DHRS9: variants seen among roughly 807,000 people sequenced by gnomAD.
DHRS9 encodes the protein dehydrogenase/reductase 9, also known as dehydrogenase/reductase SDR family member 9.
Under a neutral mutation model 26.6 loss-of-function variants are expected in DHRS9, and 18 were observed. That is an observed-to-expected ratio of 0.68 (90% CI 0.47 to 1.00). The LOEUF (loss-of-function observed/expected upper bound fraction) is 1.00. DHRS9 is among the 50% of genes least tolerant of loss of function. The pLI, the probability that DHRS9 is intolerant of heterozygous loss-of-function variation, is 0.00. For synonymous variants in DHRS9, 134 were observed against 141.1 expected, an observed-to-expected ratio of 0.95 and a Z score of 0.36; for missense variants, 425 against 378.7, an observed-to-expected ratio of 1.12 and a Z score of -1.01.
intron 3 of DHRS9, among the ~76,000 whole-genome samples, chr2:169,087,010 A>G (rs1424100052): frequency 2.0e-5 from 3 of 152,022 alleles, no homozygotes; most frequent in Non-Finnish European, 4.4e-5. Context: ...CTGAGGCTCT[A>G]CAATTAGCAG....
At position 169,069,717 on chromosome 2, in the gene DHRS9, G is replaced by A; in HGVS notation, c.-60G>A. ...CTGTGTCCCACTTCATCTTTAATAA[G>A]GTAACTGATGACAGTTTTGTCATTT... On this transcript the variant is annotated splice_region_variant and 5_prime_UTR_variant, in exon 1 of 5. Coordinates refer to ENST00000674881, the MANE Select transcript of DHRS9 (RefSeq NM_001376924.1). 1.0e-6 allele frequency: 1 copy of A among 985,422 alleles called. No homozygotes were observed. Among genetic ancestry groups the A allele is most frequent in the Non-Finnish European group, 1.2e-6 (1 of 829,936 alleles). The allele number at this position is 985,422 out of a possible 1,614,324, so 61.0% of individuals were successfully genotyped here.
Position 169,083,314 on chromosome 2 carries a change from T to C in DHRS9, c.314-15T>C. Reference sequence around the variant, plus strand: ...ACTGTCTTACCACACCTCTTTTCCTTCCTCTCTGTTCTAGGTCTCTGGGGT... The same window carrying C: ...ACTGTCTTACCACACCTCTTTTCCTCCCTCTCTGTTCTAGGTCTCTGGGGT... On this transcript the variant is annotated splice_polypyrimidine_tract_variant and intron_variant, in intron 2 of 4. Transcript: ENST00000674881. 4.3e-6 allele frequency: 7 copies of C among 1,611,112 alleles called. No homozygotes were observed. The highest frequency in any genetic ancestry group is 5.9e-6 in the Non-Finnish European group (7 of 1,177,602).
At chr2:169,078,815 CTTTTTTTTTTTTT>C (rs200691133) in intron 1 of DHRS9, among the ~76,000 whole-genome samples, 18 of 110,366 alleles carry the variant, frequency 1.6e-4, no homozygotes, top group African/African-American at 6.8e-4. Flanking sequence ...TATCAACTGA[CTTTTTTTTTTTTT>C]TTTTTTTTTT....
intron 1 of DHRS9, among the ~76,000 whole-genome samples, chr2:169,074,966 T>G (rs923112711): frequency 1.3e-5 from 2 of 152,054 alleles, no homozygotes; most frequent in Non-Finnish European, 2.9e-5. Context: ...TGGGTTTGCA[T>G]AGAAAAGGTG....
upstream of DHRS9, among the ~76,000 whole-genome samples, chr2:169,067,820 C>T (rs1221547053): frequency 6.6e-6 from 1 of 152,124 alleles, no homozygotes; most frequent in African/African-American, 2.4e-5. Context: ...AACTGATCGC[C>T]TATGTGGGAC....
intron 1 of DHRS9, among the ~76,000 whole-genome samples, chr2:169,071,901 A>G (rs1437532322): frequency 2.0e-5 from 3 of 151,958 alleles, no homozygotes; most frequent in Non-Finnish European, 4.4e-5. Context: ...TTCTGGGTGG[A>G]CCATTTGAAC....
At chr2:169,079,660 C>G (rs1684081894) in intron 1 of DHRS9, among the ~76,000 whole-genome samples, 1 of 151,616 alleles carries the variant, frequency 6.6e-6, no homozygotes, top group African/African-American at 2.4e-5. Context: ...TCAAGACAAG[C>G]CTGGCCAACA....
intron 1 of DHRS9, among the ~76,000 whole-genome samples, 199 bp downstream of exon 1, chr2:169,069,916 C>T (rs925774552): frequency 1.3e-5 from 2 of 152,148 alleles, no homozygotes; most frequent in African/African-American, 4.8e-5. Context: ...TCGGTGTGAC[C>T]TGGGATCTTG....
intron 1 of DHRS9, chr2:169,072,777 T>C (rs59018706): frequency 2.7e-6 from 1 of 365,182 alleles, no homozygotes; most frequent in Non-Finnish European, 3.8e-6. Context: ...TTCTTGTGCC[T>C]GCTGTCGACT....
intron 3 of DHRS9, among the ~76,000 whole-genome samples, chr2:169,089,377 A>C (rs1412099869): frequency 1.3e-5 from 2 of 152,142 alleles, no homozygotes; most frequent in Non-Finnish European, 2.9e-5. Flanking sequence ...AATAGACTGA[A>C]CTCAACAGAA....
At position 169,091,830 on chromosome 2, in the gene DHRS9, G is replaced by T; in HGVS notation, c.613G>T (p.Glu205Ter). 6.2e-7 allele frequency: 1 copy of T among 1,613,970 alleles called. No homozygotes were observed. Among genetic ancestry groups the T allele is most frequent in the Non-Finnish European group, 8.5e-7 (1 of 1,179,920 alleles). The change falls in exon 4 of 5, where the codon GAA becomes TAA. Residue 205 changes from glutamate to a stop codon, truncating the protein, a stop_gained. Coordinates refer to ENST00000674881, the MANE Select transcript of DHRS9 (RefSeq NM_001376924.1). LOFTEE classifies it high-confidence loss of function. ...TTTTGGTGTGCACGTCTCATGCATT[G>T]AACCAGGATTGTTCAAAACAAACTT... ...KAFGVHVSCI[E>*]PGLFKTNLAD...
At chr2:169,074,128 A>G (rs1216586002) in intron 1 of DHRS9, 1 of 255,444 alleles carries the variant, frequency 3.9e-6, no homozygotes, top group Admixed American at 6.5e-5. Flanking sequence ...TACATAGAGC[A>G]GACTGCCTCA....
chr2:169,080,048 A>AGAAAGAAAGAAG (rs1684135606), intron 1 of DHRS9, among the ~76,000 whole-genome samples: 3 of 146,556 alleles, frequency 2.0e-5, no homozygotes, highest in Admixed American at 1.4e-4. Context: ...AAAGAAAGAA[A>AGAAAGAAAGAAG]GAAAATAAAG....
In DHRS9 at chr2:169,074,525, G is replaced by A. The variant is rs185722848; in HGVS notation, c.-60+4808G>A. The A allele has an allele frequency of 1.3e-5, 11 of 845,960 alleles. No homozygotes were observed. The African/African-American group carries it at 1.7e-4, about 13-fold the overall frequency. 52.4% of individuals were successfully genotyped at this position (845,960 alleles called of 1,614,324 possible). A position where few individuals can be genotyped will look rare whatever the true frequency, so the allele number is the denominator to read the frequency against. On this transcript the variant is annotated intron_variant, in intron 1 of 4. Coordinates refer to ENST00000674881, the MANE Select transcript of DHRS9 (RefSeq NM_001376924.1). ...AAGGGGCCGTGCAGAGGTAACCACA[G>A]CTGGCGTAGTGTGGTTGAGGTAGCC...
chr2:169,078,678 A>G (rs1684040019), intron 1 of DHRS9, among the ~76,000 whole-genome samples: 1 of 152,176 alleles, frequency 6.6e-6, no homozygotes, highest in Admixed American at 6.5e-5. Context: ...AAGAGTTGGA[A>G]AAACTATACC....
At chr2:169,088,019 C>T (rs534805921) in intron 3 of DHRS9, among the ~76,000 whole-genome samples, 1 of 152,230 alleles carries the variant, frequency 6.6e-6, no homozygotes, top group Admixed American at 6.5e-5. Flanking sequence ...AGGTTGCTTG[C>T]CCCCCAAGTC....
chr2:169,068,646 C>A (rs1413544016), upstream of DHRS9, among the ~76,000 whole-genome samples: 2 of 152,162 alleles, frequency 1.3e-5, no homozygotes, highest in African/African-American at 2.4e-5. Context: ...AGGGTGATAG[C>A]AGTGTCCTGA....
At chr2:169,093,903 A>G (rs1484210371) in intron 4 of DHRS9, among the ~76,000 whole-genome samples, 1 of 151,890 alleles carries the variant, frequency 6.6e-6, no homozygotes, top group Non-Finnish European at 1.5e-5. Context: ...GTTGAAAGAA[A>G]GATCTAACAT....
chr2:169,085,843 C>T (rs1227652082), intron 3 of DHRS9, among the ~76,000 whole-genome samples: 5 of 152,102 alleles, frequency 3.3e-5, no homozygotes, highest in Non-Finnish European at 5.9e-5. Context: ...TCCTCCTTTC[C>T]AAATTGGGTT....
Sources: allele counts gnomAD v4.1 joint callset (sites outside exome capture counted in the v4.1 genomes callset), GRCh38; gene constraint gnomAD v4.1.1; transcripts MANE v1.5; gene names NCBI Gene and HGNC (gene_info 2026-07-23, HGNC 2026-07-21).